SPATA17: variants seen among roughly 807,000 people sequenced by gnomAD.
SPATA17 encodes spermatogenesis associated 17.
SPATA17 carries 53 observed loss-of-function variants against 62.2 expected under a neutral mutation model. The observed-to-expected ratio is 0.85, with a 90% CI of 0.68 to 1.07. The LOEUF is 1.07. SPATA17 is among the 50% of genes least tolerant of loss of function. The pLI, the probability that SPATA17 is intolerant of heterozygous loss-of-function variation, is 0.00. For synonymous variants in SPATA17, 146 were observed against 146.8 expected (o/e 0.99, Z 0.04); for missense variants, 466 against 425.5 (o/e 1.10, Z -0.84).
intron 9 of SPATA17, among the ~76,000 whole-genome samples, chr1:217,856,521 C>G (rs1422848831): frequency 6.6e-6 from 1 of 152,168 alleles, no homozygotes; most frequent in Non-Finnish European, 1.5e-5. Flanking sequence ...GAGACTCTGG[C>G]CATCACACAA....
intron 9 of SPATA17, among the ~76,000 whole-genome samples, chr1:217,845,885 T>TC (rs542770004): frequency 6.6e-6 from 1 of 152,042 alleles, no homozygotes; most frequent in African/African-American, 2.4e-5. Flanking sequence ...GTTTACAATT[T>TC]CCCCCCACTC....
intron 3 of SPATA17, 69 bp downstream of exon 3, chr1:217,651,247 A>T: frequency 9.5e-6 from 12 of 1,261,446 alleles, no homozygotes; most frequent in Non-Finnish European, 1.1e-5. Flanking sequence ...CACTTTAGTC[A>T]TATTTCCATA....
chr1:217,690,041 G>T (rs7544131), intron 5 of SPATA17, among the ~76,000 whole-genome samples: 38,231 of 151,620 alleles, frequency 0.25, 5,279 homozygotes, highest in African/African-American at 0.36. Context: ...TAGCTGGGCT[G>T]ACAGGTGTGC....
At chr1:217,754,376 A>C (rs1672991723) in intron 6 of SPATA17, among the ~76,000 whole-genome samples, 1 of 152,212 alleles carries the variant, frequency 6.6e-6, no homozygotes, top group Admixed American at 6.5e-5. Context: ...TTTATAATAT[A>C]ATAAAATCCA....
chr1:217,681,987 A>G (rs1295298480), intron 4 of SPATA17, among the ~76,000 whole-genome samples: 1 of 152,104 alleles, frequency 6.6e-6, no homozygotes, highest in Admixed American at 6.5e-5. Flanking sequence ...AAACTGTGCC[A>G]AAATCGGGAA....
chr1:217,718,065 T>G (rs935738264), intron 5 of SPATA17, among the ~76,000 whole-genome samples: 1 of 152,344 alleles, frequency 6.6e-6, no homozygotes, highest in East Asian at 1.9e-4. Flanking sequence ...AGATTAGGAA[T>G]GTTGTTTTGT....
rs1672575676 is a variant in SPATA17, at chr1:217,739,200, C to T, written c.396-2775C>T. Among the ~76,000 whole-genome samples, 7 of 152,020 alleles carry T rather than the reference C, an allele frequency of 4.6e-5. No homozygotes were observed. The South Asian group carries it at 1.5e-3, about 32-fold the overall frequency. On this transcript the variant is annotated intron_variant, in intron 5 of 10. Transcript: ENST00000366933. ...GAAAACAGGGCAGAGAGTCTTGGAA[C>T]TTATTCAAGTTTCTTTATATGGTAG...
chr1:217,680,123 C>T (rs116022505), intron 4 of SPATA17, among the ~76,000 whole-genome samples: 7,682 of 152,194 alleles, frequency 0.05, 254 homozygotes, highest in Middle Eastern at 0.12. Flanking sequence ...TTGCTGATGA[C>T]GGATTTCCTG....
intron 5 of SPATA17, among the ~76,000 whole-genome samples, chr1:217,734,095 C>A (rs1323085784): frequency 6.6e-6 from 1 of 152,268 alleles, no homozygotes; most frequent in Non-Finnish European, 1.5e-5. Flanking sequence ...TCCAGATAAT[C>A]TATTCCATGG....
intron 9 of SPATA17, among the ~76,000 whole-genome samples, chr1:217,823,500 T>G (rs1243110244): frequency 3.3e-5 from 5 of 151,982 alleles, no homozygotes; most frequent in Non-Finnish European, 7.4e-5. Flanking sequence ...ATACCCAGAC[T>G]CAGGACTCTG....
chr1:217,715,792 G>A (rs1348326711), intron 5 of SPATA17, among the ~76,000 whole-genome samples: 2 of 151,944 alleles, frequency 1.3e-5, no homozygotes, highest in Non-Finnish European at 2.9e-5. Context: ...TTGTATTTCC[G>A]CTGTTATACT....
intron 7 of SPATA17, 49 bp downstream of exon 7, chr1:217,774,586 T>G (rs766786527): frequency 6.6e-7 from 1 of 1,511,376 alleles, no homozygotes; most frequent in East Asian, 2.4e-5. Context: ...ATTCTTGCTA[T>G]TTTTTGCACT....
At chr1:217,828,944 A>C (rs1269756477) in intron 9 of SPATA17, among the ~76,000 whole-genome samples, 1 of 152,128 alleles carries the variant, frequency 6.6e-6, no homozygotes, top group African/African-American at 2.4e-5. Context: ...AGAGATAACA[A>C]ATGTTGGTGA....
At chr1:217,810,551 G>T in intron 9 of SPATA17, among the ~76,000 whole-genome samples, 1 of 151,830 alleles carries the variant, frequency 6.6e-6, no homozygotes, top group Non-Finnish European at 1.5e-5. Flanking sequence ...GAACCCAGGA[G>T]GCAGAGGCAT....
intron 9 of SPATA17, among the ~76,000 whole-genome samples, chr1:217,814,790 G>A (rs554021310): frequency 6.6e-6 from 1 of 152,194 alleles, no homozygotes; most frequent in Admixed American, 6.5e-5. Context: ...GGAGGCTGCA[G>A]TGAGCTATGA....
intron 6 of SPATA17, among the ~76,000 whole-genome samples, chr1:217,754,414 A>G (rs913135144): frequency 2.0e-5 from 3 of 152,192 alleles, no homozygotes; most frequent in African/African-American, 2.4e-5. Flanking sequence ...CAGTTAGGTC[A>G]TTTCTTTAAC....
At chr1:217,799,049 T>C (rs1160496723) in intron 8 of SPATA17, among the ~76,000 whole-genome samples, 1 of 152,144 alleles carries the variant, frequency 6.6e-6, no homozygotes, top group East Asian at 1.9e-4. Flanking sequence ...AGTGATTTTT[T>C]AATGTTAGTA....
At chr1:217,674,911 G>A (rs12121174) in intron 4 of SPATA17, among the ~76,000 whole-genome samples, 21,064 of 152,162 alleles carry the variant, frequency 0.14, 1,561 homozygotes, top group Non-Finnish European at 0.16. Context: ...GGGAGCTGTA[G>A]GTAGTATTGG....
intron 6 of SPATA17, among the ~76,000 whole-genome samples, chr1:217,746,418 T>G (rs754449524): frequency 4.6e-5 from 7 of 151,102 alleles, no homozygotes; most frequent in Non-Finnish European, 1.0e-4. Flanking sequence ...TAGTAATTTT[T>G]ACATTAATTT....
Sources: gnomAD v4.1 joint callset for allele counts (sites outside exome capture counted in the v4.1 genomes callset) on GRCh38, gnomAD v4.1.1 for gene constraint, MANE v1.5 for transcripts, NCBI Gene and HGNC (gene_info 2026-07-23, HGNC 2026-07-21) for gene names.